Variants in USP32 observed in about 807,000 individuals in gnomAD.
The protein encoded by USP32 is ubiquitin carboxyl-terminal hydrolase 32.
In USP32, 59 loss-of-function variants were observed where a neutral mutation model predicts 204.8. That is an observed-to-expected ratio of 0.29 (90% confidence interval 0.23 to 0.36). The LOEUF (loss-of-function observed/expected upper bound fraction) is 0.36, where lower values mean the gene tolerates loss of function less well. USP32 is among the 10% of genes least tolerant of loss of function. USP32 has a pLI of 1.00. For missense variants in USP32, 1,160 were observed against 1,946.4 expected, an observed-to-expected ratio of 0.60 and a Z score of 7.60; for synonymous variants, 517 against 678.4, an observed-to-expected ratio of 0.76 and a Z score of 3.70.
rs1266518777 is a variant in USP32, at chr17:60,269,454, T to G, written c.807A>C (p.Gln269His). Reference protein sequence around the residue: ...ACCRGPLAERQKFCFKVFDVD... With the variant: ...ACCRGPLAERHKFCFKVFDVD... ...GACAATGTTTAACACACTTACATTT[T>G]TGTCTTTCAGCCAGGGGTCCCCTGC... The change falls in exon 7 of 34, where the codon CAA becomes CAC. Residue 269 changes from glutamine (Q) to histidine (H), a missense_variant. Transcript: ENST00000300896. 6.2e-7 allele frequency: 1 copy of G among 1,608,092 alleles called. No individual in the cohort carries two copies. The highest frequency in any genetic ancestry group is 8.5e-7 in the Non-Finnish European group (1 of 1,178,106).
chr17:60,221,473 T>C (rs1364610422), intron 15 of USP32, among the ~76,000 whole-genome samples: 1 of 152,108 alleles, frequency 6.6e-6, no homozygotes. Flanking sequence ...AAGGAAGTTT[T>C]AGCTTGGACA....
At chr17:60,242,716 C>T (rs2085912185) in intron 11 of USP32, among the ~76,000 whole-genome samples, 1 of 152,142 alleles carries the variant, frequency 6.6e-6, no homozygotes, top group Admixed American at 6.5e-5. Context: ...CAAGGGTTTC[C>T]TTTTAAAATA....
chr17:60,221,852 CA>C (rs1200594062), intron 15 of USP32, among the ~76,000 whole-genome samples: 2 of 152,144 alleles, frequency 1.3e-5, no homozygotes, highest in African/African-American at 4.8e-5. Context: ...ACTTCATCAA[CA>C]ATGTAAAAAG....
chr17:60,394,517 A>G (rs2089886648), upstream of USP32, among the ~76,000 whole-genome samples: 1 of 152,162 alleles, frequency 6.6e-6, no homozygotes, highest in South Asian at 2.1e-4. Flanking sequence ...CTTTCATGAG[A>G]TGGTAAATGA....
chr17:60,179,764 G>A (rs7225863), intron 33 of USP32, among the ~76,000 whole-genome samples: 214 of 152,248 alleles, frequency 1.4e-3, no homozygotes, highest in African/African-American at 3.9e-3. Context: ...TCTGCCTCCT[G>A]GGTTCAAGCG....
In USP32 at chr17:60,273,821, G is replaced by A. The variant is rs149668827; in HGVS notation, c.572-2340C>T. Among the ~76,000 whole-genome samples the A allele has an allele frequency of 3.6e-3, 543 of 152,022 alleles. 2 individuals carry two copies. The highest frequency in any genetic ancestry group is 0.012 in the African/African-American group (493 of 41,462). On this transcript the variant is annotated intron_variant, in intron 5 of 33. Coordinates refer to ENST00000300896, the MANE Select transcript of USP32 (RefSeq NM_032582.4). Reference sequence around the variant, plus strand: ...CTAAAAATACAAAAATTAGCTGGGCGTGGTGGCGGGTGCCTGTAGTCCCAG... The same window carrying A: ...CTAAAAATACAAAAATTAGCTGGGCATGGTGGCGGGTGCCTGTAGTCCCAG...
At chr17:60,346,419 T>C (rs2088787318) in intron 1 of USP32, among the ~76,000 whole-genome samples, 2 of 152,240 alleles carry the variant, frequency 1.3e-5, no homozygotes, top group Non-Finnish European at 2.9e-5. Flanking sequence ...ATAAAAATTA[T>C]ATTATTTGTA....
chr17:60,341,546 C>A (rs1162311461), intron 2 of USP32, among the ~76,000 whole-genome samples: 1 of 152,192 alleles, frequency 6.6e-6, no homozygotes, highest in African/African-American at 2.4e-5. Context: ...ACCAATCAAA[C>A]GTAGATTTGG....
At chr17:60,412,758 T>G (rs1322863028) in intron 1 of USP32, among the ~76,000 whole-genome samples, 1 of 152,050 alleles carries the variant, frequency 6.6e-6, no homozygotes, top group Non-Finnish European at 1.5e-5. Flanking sequence ...TTGAGATGCA[T>G]TTTTTTCCTC....
intron 4 of USP32, among the ~76,000 whole-genome samples, chr17:60,293,201 G>A (rs2087330030): frequency 2.0e-5 from 3 of 151,900 alleles, no homozygotes; most frequent in Admixed American, 2.0e-4. Flanking sequence ...TAATACATGT[G>A]CCTGCTATTG....
chr17:60,355,708 C>T (rs151225579), intron 1 of USP32, among the ~76,000 whole-genome samples: 78 of 151,496 alleles, frequency 5.1e-4, no homozygotes, highest in Non-Finnish European at 1.0e-3. Context: ...TGGTGGCACA[C>T]GCCTGTAGTC....
chr17:60,421,906 G>T, intron 1 of USP32: 1 of 985,424 alleles, frequency 1.0e-6, no homozygotes, highest in East Asian at 1.1e-4. Context: ...GTGTGAAGCG[G>T]GACCGCTGCG....
chr17:60,296,429 C>T (rs1399607230), intron 3 of USP32, among the ~76,000 whole-genome samples: 3 of 152,090 alleles, frequency 2.0e-5, no homozygotes, highest in Non-Finnish European at 4.4e-5. Flanking sequence ...GGGATTAGAA[C>T]GATATAGCTG....
At chr17:60,271,539 G>T in intron 5 of USP32, 58 bp from the exon 6 acceptor site, 1 of 1,535,650 alleles carries the variant, frequency 6.5e-7, no homozygotes, top group Non-Finnish European at 8.9e-7. Context: ...CAGGAGTTCA[G>T]TTCATCCTGA....
intron 26 of USP32, among the ~76,000 whole-genome samples, chr17:60,201,660 A>ATT (rs1278896872): frequency 7.3e-6 from 1 of 137,478 alleles, no homozygotes; most frequent in Non-Finnish European, 1.6e-5. Context: ...GTCGTTGATC[A>ATT]TTTTTTTTTT....
At chr17:60,372,324 G>C (rs936908376) in intron 1 of USP32, among the ~76,000 whole-genome samples, 1 of 152,146 alleles carries the variant, frequency 6.6e-6, no homozygotes, top group Non-Finnish European at 1.5e-5. Flanking sequence ...TGCATCGTTA[G>C]GTGATTTCAT....
chr17:60,384,970 G>A (rs1237974264), intron 1 of USP32, among the ~76,000 whole-genome samples: 1 of 152,140 alleles, frequency 6.6e-6, no homozygotes, highest in African/African-American at 2.4e-5. Flanking sequence ...TTAGCCAGGT[G>A]TTGTCAGGCC....
rs543279865 is a variant in USP32 at position 60,209,613 on chromosome 17, T to C, written c.2425-70A>G. The C allele has an allele frequency of 2.8e-4, 295 of 1,048,590 alleles. 1 individual carries two copies. In the African/African-American group the frequency reaches 4.4e-3, roughly 15 times the overall value. 65.0% of individuals were successfully genotyped at this position (1,048,590 alleles called of 1,614,324 possible). On this transcript the variant is annotated intron_variant, in intron 21 of 33. Coordinates refer to ENST00000300896, the MANE Select transcript of USP32 (RefSeq NM_032582.4). ...AATTTGGAATGAACATGTCCTATAA[T>C]CCAATCAGAGCCATTGTAAGAAAAT...
chr17:60,403,169 G>A (rs543549275), intron 1 of USP32, among the ~76,000 whole-genome samples: 2 of 151,956 alleles, frequency 1.3e-5, no homozygotes, highest in Non-Finnish European at 1.5e-5. Flanking sequence ...GCGCCACCAC[G>A]CCCAGCTAAT....
Sources: gnomAD v4.1 joint callset for allele counts (sites outside exome capture counted in the v4.1 genomes callset) on GRCh38, gnomAD v4.1.1 for gene constraint, MANE v1.5 for transcripts, NCBI Gene and HGNC (gene_info 2026-07-23, HGNC 2026-07-21) for gene names.